Variants in ZSCAN16 observed in about 807,000 individuals in gnomAD.
ZSCAN16 encodes the protein zinc finger and SCAN domain-containing protein 16.
Under a neutral mutation model 19.4 loss-of-function variants are expected in ZSCAN16, and 15 were observed. That is an observed-to-expected ratio of 0.77 (90% confidence interval 0.52 to 1.19). The LOEUF (loss-of-function observed/expected upper bound fraction) is 1.19, where lower values mean the gene tolerates loss of function less well. Among genes scored for constraint, ZSCAN16 ranks in the 50% most tolerant of loss-of-function variants. The pLI, the probability that ZSCAN16 is intolerant of heterozygous loss-of-function variation, is 0.00. For synonymous variants in ZSCAN16, 138 were observed against 146.5 expected (o/e 0.94, Z 0.42); for missense variants, 327 against 415.7 (o/e 0.79, Z 1.86).
chr6:28,125,881 G>C lies in ZSCAN16; in HGVS notation c.387+51G>C, dbSNP rs574186197. 1 of 1,405,590 alleles carries C rather than the reference G, an allele frequency of 7.1e-7. No individual in the cohort carries two copies. The highest frequency in any genetic ancestry group is 2.5e-5 in the East Asian group (1 of 40,688). The allele number at this position is 1,405,590 out of a possible 1,614,324, so 87.1% of individuals were successfully genotyped here. Reference sequence around the variant, plus strand: ...TGAGTGATCAGGGGATATGGATGGAGCCAAAGCAAAAGGCATATGAAAGAA... The same window carrying C: ...TGAGTGATCAGGGGATATGGATGGACCCAAAGCAAAAGGCATATGAAAGAA... On this transcript the variant is annotated intron_variant, in intron 2 of 3. Coordinates refer to ENST00000340487, the MANE Select transcript of ZSCAN16 (RefSeq NM_025231.3). The surrounding 1 kb of genome is among the most constrained non-coding windows in gnomAD (Gnocchi z 6.2).
rs1410932659 is a variant in ZSCAN16, at chr6:28,129,940, A to G, written c.1037A>G (p.Lys346Arg). 1 of 1,585,510 alleles carries G rather than the reference A, an allele frequency of 6.3e-7. No individual in the cohort carries two copies. Among genetic ancestry groups the G allele is most frequent in the Non-Finnish European group, 8.6e-7 (1 of 1,167,508 alleles). The change falls in exon 4 of 4, where the codon AAA (lysine) becomes AGA (arginine). Residue 346 changes from lysine to arginine, a missense_variant. By Grantham distance (26) the Lys-to-Arg change is conservative (BLOSUM62 2). Transcript: ENST00000340487. ...IRHQRIHTAN[K>R]LY ...CATCAAAGAATTCATACCGCAAATA[A>G]ACTCTACTAATATAGCAGTAATATC...
rs746210944 is a variant in ZSCAN16, at chr6:28,129,891, C to T, written c.988C>T (p.Arg330Ter). The T allele has an allele frequency of 1.2e-6, 2 of 1,612,224 alleles. No homozygotes were observed. The highest frequency in any genetic ancestry group is 1.7e-6 in the Non-Finnish European group (2 of 1,179,364). ...YECDECGRPF[R>*]VSSALIRHQR... ...ATGTGATGAGTGTGGAAGGCCTTTC[C>T]GAGTAAGTTCAGCTCTTATTAGACA... Residue 330 changes from arginine to a stop codon, truncating the protein, a stop_gained, in exon 4 of 4, where the codon CGA (arginine) becomes TGA (stop). Coordinates refer to ENST00000340487, the MANE Select transcript of ZSCAN16 (RefSeq NM_025231.3). LOFTEE classifies it high-confidence loss of function.
At position 28,125,815 on chromosome 6, in the gene ZSCAN16, T is replaced by C. The variant is rs141982479; in HGVS notation, c.372T>C (p.Asp124=). The C allele has an allele frequency of 9.6e-5, 154 of 1,605,880 alleles. No homozygotes were observed. Among genetic ancestry groups the C allele is most frequent in the Middle Eastern group, 1.7e-4 (1 of 5,920 alleles). The change falls in exon 2 of 4, where the codon GAT becomes GAC. Residue 124 remains aspartate (D), a synonymous_variant. Coordinates refer to ENST00000340487, the MANE Select transcript of ZSCAN16 (RefSeq NM_025231.3). This position sits in a 1 kb window ranked among gnomAD's most constrained non-coding sequence, Gnocchi z 6.2. ...TVLEDLEREL[D]EPGKQVPGNS... ...TGGAGGATCTGGAGAGAGAGCTTGA[T>C]GAACCTGGAAAGCAGGTGTGAAGGG...
At chr6:28,126,294 T>G (rs1210609962) in intron 2 of ZSCAN16, among the ~76,000 whole-genome samples, 1 of 152,210 alleles carries the variant, frequency 6.6e-6, no homozygotes, top group Non-Finnish European at 1.5e-5. Context: ...ATATATATTT[T>G]ATTTAGCCCA....
Position 28,126,825 on chromosome 6 carries a change from T to C in ZSCAN16, c.430T>C (p.Leu144=), listed in dbSNP as rs748036844. ...SERRDILMDK[L]APLGRPYESL... Reference sequence around the variant, plus strand: ...AAGACGGGACATACTCATGGACAAGTTGGCCCCCTTGGGAAGGCCATATGA... The same window carrying C: ...AAGACGGGACATACTCATGGACAAGCTGGCCCCCTTGGGAAGGCCATATGA... Residue 144 remains leucine, a synonymous_variant, in exon 3 of 4, where the codon TTG becomes CTG. Coordinates refer to ENST00000340487, the MANE Select transcript of ZSCAN16 (RefSeq NM_025231.3). 3.8e-6 allele frequency: 6 copies of C among 1,584,874 alleles called. No individual in the cohort carries two copies. The highest frequency in any genetic ancestry group is 1.7e-5 in the Admixed American group (1 of 58,440).
chr6:28,128,101 A>G (rs574341519), intron 3 of ZSCAN16, among the ~76,000 whole-genome samples: 5 of 152,274 alleles, frequency 3.3e-5, no homozygotes, highest in African/African-American at 9.6e-5. Context: ...GTTTGGCTTT[A>G]GAAGTGACGT....
At chr6:28,128,331 G>A (rs1764961065) in intron 3 of ZSCAN16, among the ~76,000 whole-genome samples, 1 of 152,032 alleles carries the variant, frequency 6.6e-6, no homozygotes, top group Non-Finnish European at 1.5e-5. Flanking sequence ...CTAAATAGCA[G>A]CTATATGCCA....
chr6:28,125,470 C>T lies in ZSCAN16; in HGVS notation c.27C>T (p.Asp9=). MTTALEPE[D]QKGLLIIKAE... ...TGACCACAGCCCTGGAACCTGAGGA[C>T]CAAAAAGGACTTCTGATAATTAAGG... is the stretch of plus-strand genomic sequence containing the variant. Residue 9 remains aspartate (D), a synonymous_variant, in exon 2 of 4, where the codon GAC becomes GAT. Coordinates refer to ENST00000340487, the MANE Select transcript of ZSCAN16 (RefSeq NM_025231.3). The surrounding 1 kb of genome is among the most constrained non-coding windows in gnomAD (Gnocchi z 6.2). 2 of 1,613,854 alleles carry T rather than the reference C, an allele frequency of 1.2e-6. No individual in the cohort carries two copies. The highest frequency in any genetic ancestry group is 8.5e-7 in the Non-Finnish European group (1 of 1,179,896).
chr6:28,127,949 C>G (rs1356716702), intron 3 of ZSCAN16, among the ~76,000 whole-genome samples: 1 of 152,120 alleles, frequency 6.6e-6, no homozygotes. Flanking sequence ...TGTAGGATCC[C>G]TACCAGATGA....
At position 28,125,485 on chromosome 6, in the gene ZSCAN16, G is replaced by A. The variant is rs34304311; in HGVS notation, c.42G>A (p.Leu14=). ...AACCTGAGGACCAAAAAGGACTTCT[G>A]ATAATTAAGGCAGAGGACCATTACT... ...ALEPEDQKGL[L]IIKAEDHYWG... The change falls in exon 2 of 4, where the codon CTG becomes CTA. Residue 14 remains leucine (L), a synonymous_variant. Transcript: ENST00000340487. The surrounding 1 kb of genome is among the most constrained non-coding windows in gnomAD (Gnocchi z 6.2). The A allele has an allele frequency of 8.6e-3, 13,929 of 1,614,062 alleles. 175 individuals carry two copies. Among genetic ancestry groups the A allele is most frequent in the African/African-American group, 0.06 (4,472 of 75,010 alleles).
In ZSCAN16 at chr6:28,125,916, ATATT is replaced by A; in HGVS notation, c.387+90_387+93del. Reference sequence around the variant, plus strand: ...AAGGCATATGAAAGAACATCTGAAAATATTTATCCTCTAAAGAACAAGGCATAGG... The same window carrying A: ...AAGGCATATGAAAGAACATCTGAAAATATCCTCTAAAGAACAAGGCATAGG... On this transcript the variant is annotated intron_variant, in intron 2 of 3. Coordinates refer to ENST00000340487, the MANE Select transcript of ZSCAN16 (RefSeq NM_025231.3). The surrounding 1 kb of genome is among the most constrained non-coding windows in gnomAD (Gnocchi z 6.2). The A allele has an allele frequency of 1.9e-6, 2 of 1,038,300 alleles. No homozygotes were observed. The highest frequency in any genetic ancestry group is 2.8e-6 in the Non-Finnish European group (2 of 723,356). 64.3% of individuals were successfully genotyped at this position (1,038,300 alleles called of 1,614,324 possible). A position where few individuals can be genotyped will look rare whatever the true frequency, so the allele number is the denominator to read the frequency against.
intron 2 of ZSCAN16, 91 bp from the exon 3 acceptor site, chr6:28,126,692 C>T: frequency 9.2e-7 from 1 of 1,087,796 alleles, no homozygotes; most frequent in Non-Finnish European, 1.2e-6. Flanking sequence ...TCCCCCCTTT[C>T]TATGTCCCTG....
In ZSCAN16 at chr6:28,125,516, C is replaced by G. The variant is rs746407688; in HGVS notation, c.73C>G (p.Gln25Glu). 8 of 1,614,168 alleles carry G rather than the reference C, an allele frequency of 5.0e-6. No individual in the cohort carries two copies. The highest frequency in any genetic ancestry group is 6.8e-6 in the Non-Finnish European group (8 of 1,180,020). Residue 25 changes from glutamine (Q) to glutamate (E), a missense_variant, in exon 2 of 4, where the codon CAG becomes GAG. Physicochemically the swap from Gln to Glu is conservative, Grantham distance 29 (BLOSUM62 2). Coordinates refer to ENST00000340487, the MANE Select transcript of ZSCAN16 (RefSeq NM_025231.3). The surrounding 1 kb of genome is among the most constrained non-coding windows in gnomAD (Gnocchi z 6.2). ...IIKAEDHYWG[Q>E]DSSSQKCSPH... ...TAAGGCAGAGGACCATTACTGGGGA[C>G]AGGATTCCAGCTCACAAAAGTGCAG...
In ZSCAN16 at chr6:28,129,785, T is replaced by C; in HGVS notation, c.882T>C (p.Cys294=). The change falls in exon 4 of 4, where the codon TGT becomes TGC. Residue 294 remains cysteine, a synonymous_variant. Transcript: ENST00000340487. The part of the protein sequence containing the change: ...RVHTGVKPYK[C]KECGKDFSGR... ...ACACGGGAGTAAAACCCTATAAATG[T>C]AAAGAATGTGGGAAAGACTTCAGTG... 1.2e-6 allele frequency: 2 copies of C among 1,614,110 alleles called. No individual in the cohort carries two copies. Among genetic ancestry groups the C allele is most frequent in the Non-Finnish European group, 1.7e-6 (2 of 1,180,012 alleles).
Position 28,125,426 on chromosome 6 carries a change from C to A in ZSCAN16, c.-18C>A. 1 of 1,600,290 alleles carries A rather than the reference C, an allele frequency of 6.2e-7. No individual in the cohort carries two copies. Among genetic ancestry groups the A allele is most frequent in the Non-Finnish European group, 8.5e-7 (1 of 1,173,728 alleles). ...ACTCAATCCCAGATAGAGGATAAATCTCCTGGCAAAGCCCAGAATGACCAC... is the reference window on the plus strand; with the variant it reads ...ACTCAATCCCAGATAGAGGATAAATATCCTGGCAAAGCCCAGAATGACCAC... On this transcript the variant is annotated 5_prime_UTR_variant, in exon 2 of 4. Coordinates refer to ENST00000340487, the MANE Select transcript of ZSCAN16 (RefSeq NM_025231.3). This position sits in a 1 kb window ranked among gnomAD's most constrained non-coding sequence, Gnocchi z 6.2.
In ZSCAN16 at chr6:28,126,864, C is replaced by A; in HGVS notation, c.469C>A (p.Gln157Lys). The A allele has an allele frequency of 6.3e-7, 1 of 1,588,924 alleles. No homozygotes were observed. Among genetic ancestry groups the A allele is most frequent in the Non-Finnish European group, 8.6e-7 (1 of 1,163,462 alleles). ...AAGGCCATATGAATCACTGACTGTCCAGCTCCATCCCAAAAAGACCCAGCT... is the reference window on the plus strand; with the variant it reads ...AAGGCCATATGAATCACTGACTGTCAAGCTCCATCCCAAAAAGACCCAGCT... ...LGRPYESLTV[Q>K]LHPKKTQLEQ... The change falls in exon 3 of 4, where the codon CAG becomes AAG. Residue 157 changes from glutamine to lysine, a missense_variant. Physicochemically the swap from Gln to Lys is moderately conservative, Grantham distance 53 (BLOSUM62 1). Transcript: ENST00000340487.
chr6:28,127,011 G>A, intron 3 of ZSCAN16, 90 bp downstream of exon 3: 3 of 1,203,526 alleles, frequency 2.5e-6, no homozygotes, highest in Non-Finnish European at 3.2e-6. Context: ...TCCTTTTAAA[G>A]ATTTCCTGCT....
Position 28,130,031 on chromosome 6 carries a change from C to T in ZSCAN16, c.*81C>T. 8.5e-7 allele frequency: 1 copy of T among 1,173,084 alleles called. No individual in the cohort carries two copies. Among genetic ancestry groups the T allele is most frequent in the South Asian group, 1.6e-5 (1 of 60,972 alleles). 72.7% of individuals were successfully genotyped at this position (1,173,084 alleles called of 1,614,324 possible). On this transcript the variant is annotated 3_prime_UTR_variant, in exon 4 of 4. Coordinates refer to ENST00000340487, the MANE Select transcript of ZSCAN16 (RefSeq NM_025231.3). The stretch of plus-strand genomic sequence containing the variant: ...AATCTATTTTAGAAACCTTGAGTTT[C>T]CTCAATGTGGTCAAAGCTTCAGTCA...
chr6:28,125,665 C>T lies in ZSCAN16; in HGVS notation c.222C>T (p.Cys74=). The T allele has an allele frequency of 6.2e-7, 1 of 1,614,236 alleles. No individual in the cohort carries two copies. The highest frequency in any genetic ancestry group is 8.5e-7 in the Non-Finnish European group (1 of 1,180,050). Residue 74 remains cysteine (C), a synonymous_variant, in exon 2 of 4, where the codon TGC becomes TGT. Transcript: ENST00000340487. The surrounding 1 kb of genome is among the most constrained non-coding windows in gnomAD (Gnocchi z 6.2). ...GCCGTCAGTGGCTGAGGCCAGAATG[C>T]CACACCAAGGAGCAGATTTTAGACC... ...ELCRQWLRPE[C]HTKEQILDLL... is the part of the protein sequence containing the mutation.
Sources: allele counts gnomAD v4.1 joint callset (sites outside exome capture counted in the v4.1 genomes callset), GRCh38; gene constraint gnomAD v4.1.1; non-coding constraint Gnocchi (gnomAD v3.1); transcripts MANE v1.5; gene names NCBI Gene and HGNC (gene_info 2026-07-23, HGNC 2026-07-21).